The following SPON1 variants were observed in gnomAD, a reference collection of about 807,000 sequenced individuals.
SPON1 encodes spondin-1.
SPON1 carries 52 observed loss-of-function variants against 111.7 expected under a neutral mutation model. That is an observed-to-expected ratio of 0.47 (90% confidence interval 0.37 to 0.59). The LOEUF (loss-of-function observed/expected upper bound fraction) is 0.59. Among genes scored for constraint, SPON1 ranks in the 20% least tolerant of loss-of-function variants. SPON1 has a pLI of 0.00. For synonymous variants in SPON1, 410 were observed against 395.8 expected (o/e 1.04, Z -0.43); for missense variants, 957 against 1,068.5 (o/e 0.90, Z 1.46).
intron 6 of SPON1, among the ~76,000 whole-genome samples, chr11:14,164,688 T>C (rs1848007389): frequency 6.6e-6 from 1 of 152,214 alleles, no homozygotes; most frequent in African/African-American, 2.4e-5. Flanking sequence ...GAGTAATTTA[T>C]GCAGAGTTGG....
At chr11:14,013,639 TC>T (rs1717019428) in intron 2 of SPON1, among the ~76,000 whole-genome samples, 2 of 152,302 alleles carry the variant, frequency 1.3e-5, no homozygotes, top group African/African-American at 4.8e-5. Flanking sequence ...CTTGTCTTTC[TC>T]TCAGGTCATA....
chr11:14,001,759 A>G (rs1024186280), intron 2 of SPON1, among the ~76,000 whole-genome samples: 1 of 152,232 alleles, frequency 6.6e-6, no homozygotes, highest in Non-Finnish European at 1.5e-5. Context: ...AGAAGAAAGA[A>G]TGACAAACAA....
At chr11:14,084,044 A>C (rs1848985438) in intron 5 of SPON1, among the ~76,000 whole-genome samples, 1 of 151,738 alleles carries the variant, frequency 6.6e-6, no homozygotes, top group Non-Finnish European at 1.5e-5. Context: ...CGTAGTTCCC[A>C]ATTAGTCACA....
At chr11:13,986,822 T>C (rs1848189090) in intron 2 of SPON1, among the ~76,000 whole-genome samples, 1 of 152,196 alleles carries the variant, frequency 6.6e-6, no homozygotes, top group South Asian at 2.1e-4. Flanking sequence ...TGTTTGGTTT[T>C]CTGTTCTTGT....
chr11:14,230,409 A>G (rs1554938541), intron 6 of SPON1, among the ~76,000 whole-genome samples: 1 of 152,246 alleles, frequency 6.6e-6, no homozygotes, highest in Non-Finnish European at 1.5e-5. Flanking sequence ...AAGGAGAAGG[A>G]GATATTGGTG....
chr11:14,047,286 T>G (rs1023663772), intron 3 of SPON1, among the ~76,000 whole-genome samples: 1 of 152,194 alleles, frequency 6.6e-6, no homozygotes, highest in Non-Finnish European at 1.5e-5. Flanking sequence ...TATTCAGTAT[T>G]ACAGATTTCA....
intron 3 of SPON1, among the ~76,000 whole-genome samples, chr11:14,071,957 C>T (rs1293905786): frequency 1.3e-5 from 2 of 152,270 alleles, no homozygotes; most frequent in Non-Finnish European, 2.9e-5. Context: ...TCTCAGCCTC[C>T]CAAAGTGCTG....
chr11:14,000,859 C>T (rs1591346386), intron 2 of SPON1, among the ~76,000 whole-genome samples: 1 of 152,160 alleles, frequency 6.6e-6, no homozygotes, highest in Admixed American at 6.5e-5. Flanking sequence ...CACTCCACCC[C>T]TCATTAACTA....
At chr11:14,130,799 A>G (rs1237735805) in intron 5 of SPON1, among the ~76,000 whole-genome samples, 6 of 151,684 alleles carry the variant, frequency 4.0e-5, no homozygotes, top group Admixed American at 6.6e-5. Flanking sequence ...TCTTTTACAG[A>G]TATCTTGCTC....
rs532309215 is a variant in SPON1 at position 14,052,804 on chromosome 11, G to C, written c.479+11150G>C. ...TCCCAGGTGCAGGATCCAGCCCCCA[G>C]GGGAGAAAACTGGAAAGAATTAAAT... On this transcript the variant is annotated intron_variant, in intron 3 of 15. Transcript: ENST00000576479. Among the ~76,000 whole-genome samples, 15 of 152,284 alleles carry C rather than the reference G, an allele frequency of 9.9e-5. No individual in the cohort carries two copies. The East Asian group carries it at 2.9e-3, about 29-fold the overall frequency.
At chr11:14,129,223 C>T (rs146751973) in intron 5 of SPON1, among the ~76,000 whole-genome samples, 3,696 of 152,114 alleles carry the variant, frequency 0.024, 155 homozygotes, top group African/African-American at 0.084. Context: ...ACTTTTATGC[C>T]CTGCTTCCCT....
intron 15 of SPON1, among the ~76,000 whole-genome samples, chr11:14,264,216 A>G (rs774301399): frequency 2.0e-5 from 3 of 152,124 alleles, no homozygotes; most frequent in Non-Finnish European, 4.4e-5. Flanking sequence ...CAGACCACAC[A>G]AGGCCAGTGG....
intron 5 of SPON1, among the ~76,000 whole-genome samples, chr11:14,090,797 C>T (rs1484790806): frequency 6.7e-6 from 1 of 148,444 alleles, no homozygotes; most frequent in African/African-American, 2.5e-5. Flanking sequence ...TGCTGGCTCC[C>T]GCAGCCTGCT....
At chr11:13,994,071 T>C (rs566265117) in intron 2 of SPON1, among the ~76,000 whole-genome samples, 10 of 152,318 alleles carry the variant, frequency 6.6e-5, no homozygotes, top group African/African-American at 2.4e-4. Flanking sequence ...GATCTCTACA[T>C]TAACAATAAA....
In SPON1 at chr11:14,160,953, TTA is replaced by T. The variant is rs1340480931; in HGVS notation, c.825+25393_825+25394del. Among the ~76,000 whole-genome samples the T allele has an allele frequency of 4.7e-3, 107 of 22,900 alleles. 4 individuals carry two copies. The highest frequency in any genetic ancestry group is 0.01 in the East Asian group (4 of 382). The allele number at this position is 22,900 out of a possible 152,430, so 15.0% of individuals were successfully genotyped here. A position where few individuals can be genotyped will look rare whatever the true frequency, so the allele number is the denominator to read the frequency against. ...TATATTTATATATATATTTATATAT[TTA>T]TATATATTTATATATATTTTTATAT... On this transcript the variant is annotated intron_variant, in intron 6 of 15. Coordinates refer to ENST00000576479, the MANE Select transcript of SPON1 (RefSeq NM_006108.4).
At chr11:14,014,663 A>G (rs1442418796) in intron 2 of SPON1, among the ~76,000 whole-genome samples, 1 of 152,122 alleles carries the variant, frequency 6.6e-6, no homozygotes, top group Non-Finnish European at 1.5e-5. Context: ...CCTTCATCCA[A>G]TATCTTTGGT....
chr11:14,161,243 A>ATG (rs1847956463), intron 6 of SPON1, among the ~76,000 whole-genome samples: 1 of 58,758 alleles, frequency 1.7e-5, no homozygotes, highest in Non-Finnish European at 3.8e-5. Context: ...ATATTTATAT[A>ATG]TCTATATATT....
chr11:13,977,676 T>A (rs1008937278), intron 1 of SPON1, among the ~76,000 whole-genome samples: 1 of 152,070 alleles, frequency 6.6e-6, no homozygotes, highest in Non-Finnish European at 1.5e-5. Flanking sequence ...AGCAAAAGTT[T>A]GATATCACCC....
chr11:14,168,500 TTTTTC>T (rs1848057940), intron 6 of SPON1, among the ~76,000 whole-genome samples: 1 of 152,168 alleles, frequency 6.6e-6, no homozygotes. Context: ...TTTTTCTTTT[TTTTTC>T]TTTTATTTTT....
Sources: allele counts gnomAD v4.1 joint callset (sites outside exome capture counted in the v4.1 genomes callset), GRCh38; gene constraint gnomAD v4.1.1; transcripts MANE v1.5; gene names NCBI Gene and HGNC (gene_info 2026-07-23, HGNC 2026-07-21).